TMEM40: variants seen among roughly 807,000 people sequenced by gnomAD.
TMEM40 encodes transmembrane protein 40.
In TMEM40, 34 loss-of-function variants were observed where a neutral mutation model predicts 40.8. The observed-to-expected ratio is 0.83, with a 90% CI of 0.63 to 1.11. The LOEUF (loss-of-function observed/expected upper bound fraction) is 1.11, where lower values mean the gene tolerates loss of function less well. Ranked by LOEUF, TMEM40 falls within the 50% of genes least tolerant of loss-of-function variation. The pLI is 0.00. For synonymous variants in TMEM40, 106 were observed against 107.0 expected (o/e 0.99, Z 0.06); for missense variants, 296 against 280.2 (o/e 1.06, Z -0.40).
rs187016181 is a variant in TMEM40, at chr3:12,734,723, G to A, written c.*51C>T. ...CTCTGCCCTTGTGGGCTCAGGGGTC[G>A]CAGTGGTGGTCACACTGGGGCCTGC... On this transcript the variant is annotated 3_prime_UTR_variant, in exon 12 of 12. Coordinates refer to ENST00000314124, the MANE Select transcript of TMEM40 (RefSeq NM_018306.4). 20 of 1,570,054 alleles carry A rather than the reference G, an allele frequency of 1.3e-5. No homozygotes were observed. Among genetic ancestry groups the A allele is most frequent in the Middle Eastern group, 3.4e-4 (2 of 5,818 alleles).
At chr3:12,769,286 G>T (rs766199459) in exon 1 of TMEM40, 1 of 408,936 alleles carries the variant, frequency 2.4e-6, no homozygotes, top group Non-Finnish European at 5.0e-6. Flanking sequence ...TCCGGCCTCG[G>T]CCATCCCAGG....
At chr3:12,768,617 T>G (rs2061605348) in intron 1 of TMEM40, among the ~76,000 whole-genome samples, 1 of 322 alleles carries the variant, frequency 3.1e-3, no homozygotes, top group African/African-American at 0.018. Context: ...CTGATTGGTG[T>G]GTTTACAAAC....
chr3:12,734,827 T>A lies in TMEM40; in HGVS notation c.683-34A>T, dbSNP rs1429368114. ...CAAAGACCACAGGATGGCATGGGAT[T>A]CTGAAGGCAGCCAGGCTTCATCCCC... On this transcript the variant is annotated intron_variant, in intron 11 of 11. Transcript: ENST00000314124. 9 of 1,590,898 alleles carry A rather than the reference T, an allele frequency of 5.7e-6. No homozygotes were observed. The East Asian group carries it at 2.1e-4, about 37-fold the overall frequency.
At chr3:12,748,933 C>T in intron 2 of TMEM40, 141 bp from the exon 3 acceptor site, 5 of 725,060 alleles carry the variant, frequency 6.9e-6, no homozygotes, top group South Asian at 2.0e-5. Flanking sequence ...AGAGCCAATG[C>T]AACATGCAGG....
chr3:12,768,907 C>T lies in TMEM40; in HGVS notation c.-9+344G>A, dbSNP rs554784536. Among the ~76,000 whole-genome samples, 38 of 26,540 alleles carry T rather than the reference C, an allele frequency of 1.4e-3. No individual in the cohort carries two copies. In the East Asian group the frequency reaches 0.018, roughly 13 times the overall value. The allele number at this position is 26,540 out of a possible 152,430, so 17.4% of individuals were successfully genotyped here. A position where few individuals can be genotyped will look rare whatever the true frequency, so the allele number is the denominator to read the frequency against. ...CATGGCGGGGCGGGGCGGGGCAGGG[C>T]GGGCCGGGGCCGGGGCCGGGGCGGG... On this transcript the variant is annotated intron_variant, in intron 1 of 11. Transcript: ENST00000264728.
intron 1 of TMEM40, among the ~76,000 whole-genome samples, chr3:12,750,414 T>G (rs1362551300): frequency 6.6e-6 from 1 of 152,174 alleles, no homozygotes; most frequent in African/African-American, 2.4e-5. Context: ...CAGAGCCACC[T>G]GCCACCTCTT....
chr3:12,768,529 T>C (rs2061604827), intron 1 of TMEM40, among the ~76,000 whole-genome samples: 1 of 152,038 alleles, frequency 6.6e-6, no homozygotes, highest in Non-Finnish European at 1.5e-5. Flanking sequence ...ACATAAAGAT[T>C]CTCCAAGTCC....
intron 3 of TMEM40, among the ~76,000 whole-genome samples, chr3:12,748,252 C>T (rs920355446): frequency 3.3e-5 from 5 of 152,208 alleles, no homozygotes; most frequent in South Asian, 4.1e-4. Flanking sequence ...TACCCAAGGA[C>T]GTGTAGCTAC....
intron 1 of TMEM40, among the ~76,000 whole-genome samples, chr3:12,755,199 CT>C (rs1251273448): frequency 1.2e-5 from 1 of 80,660 alleles, no homozygotes; most frequent in African/African-American, 7.4e-5. Context: ...TCCTTCCTTC[CT>C]TTCTTTCTTT....
upstream of TMEM40, among the ~76,000 whole-genome samples, chr3:12,762,439 G>C (rs1032247215): frequency 6.6e-6 from 1 of 152,124 alleles, no homozygotes; most frequent in African/African-American, 2.4e-5. Flanking sequence ...AGGGTGAGGG[G>C]GACCCCGGGT....
rs145273097 is a variant in TMEM40, at chr3:12,743,937, G to T, written c.264C>A (p.Ser88Arg). 4.3e-6 allele frequency: 7 copies of T among 1,613,394 alleles called. No homozygotes were observed. Among genetic ancestry groups the T allele is most frequent in the Admixed American group, 3.3e-5 (2 of 59,928 alleles). Residue 88 changes from serine (S) to arginine (R), a missense_variant, in exon 4 of 12, where the codon AGC becomes AGA. By Grantham distance (110) the Ser-to-Arg change is moderately radical (BLOSUM62 -1). Transcript: ENST00000314124. ...TCCCGTGGGGGTATCCAGCCCCCAG[G>T]CTCCGTCGATGTTTTCCGGTTGCTC... ...QPRATGKHRR[S>R]LGAGYPHGNG...
At chr3:12,757,013 G>A (rs748173304) in intron 1 of TMEM40, among the ~76,000 whole-genome samples, 6 of 152,174 alleles carry the variant, frequency 3.9e-5, no homozygotes, top group African/African-American at 7.2e-5. Context: ...GAGACCTGGA[G>A]CGTGTCACAT....
chr3:12,739,550 C>T (rs1446650973), intron 5 of TMEM40, among the ~76,000 whole-genome samples: 1 of 152,008 alleles, frequency 6.6e-6, no homozygotes, highest in African/African-American at 2.4e-5. Flanking sequence ...TCCCAAAGTG[C>T]TGGGATTACA....
Position 12,733,980 on chromosome 3 carries a change from C to T in TMEM40, c.*794G>A, listed in dbSNP as rs939654196. On this transcript the variant is annotated 3_prime_UTR_variant, in exon 12 of 12. Coordinates refer to ENST00000314124, the MANE Select transcript of TMEM40 (RefSeq NM_018306.4). ...AGTGCAGTGGCTTGATCGTACCTCA[C>T]TGCAGCCCTGAACTCCTGGGCTCAA... The T allele has an allele frequency of 2.6e-5, 4 of 151,274 alleles. No homozygotes were observed. The highest frequency in any genetic ancestry group is 4.4e-5 in the Non-Finnish European group (3 of 68,036). The allele number at this position is 151,274 out of a possible 1,614,324, so 9.4% of individuals were successfully genotyped here.
intron 1 of TMEM40, among the ~76,000 whole-genome samples, chr3:12,750,388 C>T (rs562742596): frequency 1.6e-3 from 246 of 152,268 alleles, no homozygotes; most frequent in Non-Finnish European, 1.6e-3. Flanking sequence ...TCCTGGGCCC[C>T]GGCCGGCCTC....
At chr3:12,768,573 G>C (rs1429135609) in intron 1 of TMEM40, among the ~76,000 whole-genome samples, 1 of 151,932 alleles carries the variant, frequency 6.6e-6, no homozygotes, top group Non-Finnish European at 1.5e-5. Context: ...GTGCCGACTG[G>C]TGCATCCACA....
intron 1 of TMEM40, among the ~76,000 whole-genome samples, chr3:12,768,907 CGGGCCGGGGCCG>C (rs1217849165): frequency 3.8e-5 from 1 of 26,558 alleles, no homozygotes; most frequent in East Asian, 1.1e-3. Flanking sequence ...CGGGGCAGGG[CGGGCCGGGGCCG>C]GGGCCGGGGC....
intron 1 of TMEM40, among the ~76,000 whole-genome samples, chr3:12,756,557 A>G (rs762484303): frequency 6.6e-6 from 1 of 152,184 alleles, no homozygotes; most frequent in Non-Finnish European, 1.5e-5. Flanking sequence ...TTGAGGCTCC[A>G]CTGACACATT....
chr3:12,734,505 C>A lies in TMEM40; in HGVS notation c.*269G>T. Reference sequence around the variant, plus strand: ...GCAGTGACCTCCCAGAATCTTCCTGCTGGTCCAGGTACTGTGAAGCCTCAG... The same window carrying A: ...GCAGTGACCTCCCAGAATCTTCCTGATGGTCCAGGTACTGTGAAGCCTCAG... On this transcript the variant is annotated 3_prime_UTR_variant, in exon 12 of 12. Coordinates refer to ENST00000314124, the MANE Select transcript of TMEM40 (RefSeq NM_018306.4). 1 of 472,486 alleles carries A rather than the reference C, an allele frequency of 2.1e-6. No homozygotes were observed. Among genetic ancestry groups the A allele is most frequent in the Non-Finnish European group, 3.8e-6 (1 of 260,634 alleles). The allele number at this position is 472,486 out of a possible 1,614,324, so 29.3% of individuals were successfully genotyped here.
Sources: gnomAD v4.1 joint callset for allele counts (sites outside exome capture counted in the v4.1 genomes callset) on GRCh38, gnomAD v4.1.1 for gene constraint, MANE v1.5 for transcripts, NCBI Gene and HGNC (gene_info 2026-07-23, HGNC 2026-07-21) for gene names.